EPAS1: variants seen among roughly 807,000 people sequenced by gnomAD.
The protein encoded by EPAS1 is endothelial PAS domain-containing protein 1.
A neutral mutation model predicts 87.9 loss-of-function variants in EPAS1; 23 were observed. That is an observed-to-expected ratio of 0.26 (90% CI 0.19 to 0.37). The LOEUF (loss-of-function observed/expected upper bound fraction) is 0.37, where lower values mean the gene tolerates loss of function less well. Ranked by LOEUF, EPAS1 falls within the 10% of genes least tolerant of loss-of-function variation. The pLI is 1.00. For synonymous variants in EPAS1, 508 were observed against 444.3 expected (o/e 1.14, Z -1.80); for missense variants, 1,138 against 1,120.7 (o/e 1.02, Z -0.22).
chr2:46,385,322 C>T lies in EPAS1; in HGVS notation c.*662C>T, dbSNP rs1445676363. 3 of 152,480 alleles carry T rather than the reference C, an allele frequency of 2.0e-5. No individual in the cohort carries two copies. Among genetic ancestry groups the T allele is most frequent in the African/African-American group, 4.8e-5 (2 of 41,376 alleles). The allele number at this position is 152,480 out of a possible 1,614,324, so 9.4% of individuals were successfully genotyped here. ...TTTTCCTAAACTGGTGTTTTTCCCCCGCATTTGGTGGATTTTTTATTATTA... is the reference window on the plus strand; with the variant it reads ...TTTTCCTAAACTGGTGTTTTTCCCCTGCATTTGGTGGATTTTTTATTATTA... On this transcript the variant is annotated 3_prime_UTR_variant, in exon 16 of 16. Coordinates refer to ENST00000263734, the MANE Select transcript of EPAS1 (RefSeq NM_001430.5).
intron 2 of EPAS1, 96 bp from the exon 3 acceptor site, chr2:46,356,055 G>A: frequency 7.3e-7 from 1 of 1,368,090 alleles, no homozygotes; most frequent in South Asian, 1.2e-5. Flanking sequence ...TCCACCCAAT[G>A]CCTTTGCACC....
rs78839110 is a variant in EPAS1 at position 46,374,767 on chromosome 2, A to G, written c.887-923A>G. Among the ~76,000 whole-genome samples, 1,423 of 152,350 alleles carry G rather than the reference A, an allele frequency of 9.3e-3. 19 individuals carry two copies. The highest frequency in any genetic ancestry group is 0.033 in the African/African-American group (1,386 of 41,572). The stretch of plus-strand genomic sequence containing the variant: ...TATTAGACTTTAAAGAGATTTATTG[A>G]TTCCTTTTGAATGGCAGCAGATGGA... On this transcript the variant is annotated intron_variant, in intron 7 of 15. Coordinates refer to ENST00000263734, the MANE Select transcript of EPAS1 (RefSeq NM_001430.5).
At chr2:46,382,699 G>A (rs1684928343) in intron 15 of EPAS1, 101 bp downstream of exon 15, 1 of 1,494,630 alleles carries the variant, frequency 6.7e-7, no homozygotes. Flanking sequence ...CAGGCACAGG[G>A]AGGTGCTTGA....
chr2:46,383,633 C>A (rs1420760354), intron 15 of EPAS1, among the ~76,000 whole-genome samples: 12 of 152,206 alleles, frequency 7.9e-5, no homozygotes. Flanking sequence ...CAGCACTATT[C>A]TTCCTGTTAT....
chr2:46,376,788 C>A (rs755555078), intron 9 of EPAS1, 35 bp downstream of exon 9: 3 of 1,605,972 alleles, frequency 1.9e-6, no homozygotes, highest in Admixed American at 1.7e-5. Context: ...GCCCCTGGAA[C>A]CCCGTTGGGG....
chr2:46,342,446 C>T (rs2104867827), intron 1 of EPAS1, among the ~76,000 whole-genome samples: 1 of 152,348 alleles, frequency 6.6e-6, no homozygotes, highest in African/African-American at 2.4e-5. Context: ...GCTTAATTAG[C>T]CTCAGTCATC....
chr2:46,332,316 G>A (rs1395300650), intron 1 of EPAS1, among the ~76,000 whole-genome samples: 1 of 142,236 alleles, frequency 7.0e-6, no homozygotes, highest in Non-Finnish European at 1.5e-5. Context: ...GTGTGTGTGT[G>A]TGTGTGTGTG....
rs1028641065 is a variant in EPAS1, at chr2:46,375,245, A to T, written c.887-445A>T. ...TCAGGCTTTCTCCAGGCTGCTTAGA[A>T]GTCCCCCCACCTGGAGTGCTTGACG... On this transcript the variant is annotated intron_variant, in intron 7 of 15. Transcript: ENST00000263734. This position sits in a 1 kb window ranked among gnomAD's most constrained non-coding sequence, Gnocchi z 4.1. Among the ~76,000 whole-genome samples, 1 of 130,972 alleles carries T rather than the reference A, an allele frequency of 7.6e-6. No individual in the cohort carries two copies. Among genetic ancestry groups the T allele is most frequent in the Non-Finnish European group, 1.7e-5 (1 of 59,240 alleles). 85.9% of individuals were successfully genotyped at this position (130,972 alleles called of 152,430 possible). A position where few individuals can be genotyped will look rare whatever the true frequency, so the allele number is the denominator to read the frequency against.
Position 46,346,982 on chromosome 2 carries a change from A to C in EPAS1, c.136A>C (p.Ser46Arg). Residue 46 changes from serine to arginine, a missense_variant, in exon 2 of 16, where the codon AGT (serine) becomes CGT (arginine). Physicochemically the swap from Ser to Arg is moderately radical, Grantham distance 110. Coordinates refer to ENST00000263734, the MANE Select transcript of EPAS1 (RefSeq NM_001430.5). This position sits in a 1 kb window ranked among gnomAD's most constrained non-coding sequence, Gnocchi z 4.0. ...GGCCCATGAGCTGCCTCTGCCCCACAGTGTGAGCTCCCATCTGGACAAGGC... is the reference window on the plus strand; with the variant it reads ...GGCCCATGAGCTGCCTCTGCCCCACCGTGTGAGCTCCCATCTGGACAAGGC... The part of the protein sequence containing the change: ...ELAHELPLPH[S>R]VSSHLDKASI... 6.2e-7 allele frequency: 1 copy of C among 1,614,214 alleles called. No homozygotes were observed. Among genetic ancestry groups the C allele is most frequent in the South Asian group, 1.1e-5 (1 of 91,082 alleles).
chr2:46,321,090 A>T (rs1245909173), intron 1 of EPAS1, among the ~76,000 whole-genome samples: 1 of 152,250 alleles, frequency 6.6e-6, no homozygotes, highest in East Asian at 1.9e-4. Context: ...TTCTCTATGA[A>T]TATGACTATT....
chr2:46,301,090 T>G (rs951170659), intron 1 of EPAS1, among the ~76,000 whole-genome samples: 1 of 152,234 alleles, frequency 6.6e-6, no homozygotes, highest in Non-Finnish European at 1.5e-5. Context: ...TAAGTTTTAA[T>G]TCATACAGTT....
rs1684051862 is a variant in EPAS1, at chr2:46,347,323, A to C, written c.217+260A>C. 5.4e-6 allele frequency: 3 copies of C among 555,180 alleles called. No individual in the cohort carries two copies. The highest frequency in any genetic ancestry group is 9.7e-6 in the Non-Finnish European group (3 of 308,920). The allele number at this position is 555,180 out of a possible 1,614,324, so 34.4% of individuals were successfully genotyped here. ...CATGGGCACCCAGAGGCTGTGGAGAACACGGGCTGGGAGAACCAAGGACGG... is the reference window on the plus strand; with the variant it reads ...CATGGGCACCCAGAGGCTGTGGAGACCACGGGCTGGGAGAACCAAGGACGG... On this transcript the variant is annotated intron_variant, in intron 2 of 15. Transcript: ENST00000263734. The surrounding 1 kb of genome is among the most constrained non-coding windows in gnomAD (Gnocchi z 4.2).
chr2:46,353,892 C>T (rs1374050359), intron 2 of EPAS1, among the ~76,000 whole-genome samples: 1 of 152,220 alleles, frequency 6.6e-6, no homozygotes, highest in Non-Finnish European at 1.5e-5. Context: ...GAGGGAAAGC[C>T]ACCGGGGCAT....
chr2:46,299,899 G>A (rs1056750441), intron 1 of EPAS1, among the ~76,000 whole-genome samples: 14 of 152,250 alleles, frequency 9.2e-5, no homozygotes, highest in African/African-American at 3.4e-4. Context: ...GAGAGCGGCC[G>A]CTTTAAGAAC....
At chr2:46,343,854 C>A (rs556618747) in intron 1 of EPAS1, among the ~76,000 whole-genome samples, 12 of 152,248 alleles carry the variant, frequency 7.9e-5, no homozygotes, top group African/African-American at 2.9e-4. Context: ...AGCTGGGTTG[C>A]TCTAGGCAAG....
chr2:46,308,461 G>GC (rs1553388760), intron 1 of EPAS1, among the ~76,000 whole-genome samples: 2 of 38,736 alleles, frequency 5.2e-5, no homozygotes, highest in African/African-American at 1.1e-4. Context: ...GCTTTTTTTT[G>GC]GGGGGGGGGG....
At chr2:46,361,129 G>T in intron 6 of EPAS1, 39 bp downstream of exon 6, 1 of 1,602,110 alleles carries the variant, frequency 6.2e-7, no homozygotes, top group East Asian at 2.2e-5. Flanking sequence ...GGCAGAGATG[G>T]GTCTTACCTG....
rs746371612 is a variant in EPAS1, at chr2:46,360,807, G to A, written c.573+51G>A. The A allele has an allele frequency of 2.5e-6, 4 of 1,612,226 alleles. No individual in the cohort carries two copies. Among genetic ancestry groups the A allele is most frequent in the Non-Finnish European group, 3.4e-6 (4 of 1,178,346 alleles). ...GAGTCCCAGGTGTAGGGTAACGGCG[G>A]TGCAGGGGATGCCTAAGGCCCTACC... On this transcript the variant is annotated intron_variant, in intron 5 of 15. Transcript: ENST00000263734. This position sits in a 1 kb window ranked among gnomAD's most constrained non-coding sequence, Gnocchi z 4.5.
chr2:46,345,799 C>T (rs1358379371), intron 1 of EPAS1, among the ~76,000 whole-genome samples: 4 of 152,062 alleles, frequency 2.6e-5, no homozygotes, highest in African/African-American at 9.7e-5. Flanking sequence ...TGTTTTGTAA[C>T]TTTTTAACTC....
Sources: gnomAD v4.1 joint callset for allele counts (sites outside exome capture counted in the v4.1 genomes callset) on GRCh38, gnomAD v4.1.1 for gene constraint, Gnocchi (gnomAD v3.1) non-coding constraint, MANE v1.5 for transcripts, NCBI Gene and HGNC (gene_info 2026-07-23, HGNC 2026-07-21) for gene names.